CTNNAL1: variants seen among roughly 807,000 people sequenced by gnomAD.
The protein encoded by CTNNAL1 is catenin alpha like 1.
A neutral mutation model predicts 93.6 loss-of-function variants in CTNNAL1; 69 were observed. The observed-to-expected ratio is 0.74, with a 90% CI of 0.61 to 0.90. The LOEUF (loss-of-function observed/expected upper bound fraction) is 0.90, where lower values mean the gene tolerates loss of function less well. CTNNAL1 is among the 40% of genes least tolerant of loss of function. CTNNAL1 has a pLI of 0.00. For synonymous variants in CTNNAL1, 286 were observed against 305.4 expected, an observed-to-expected ratio of 0.94 and a Z score of 0.66; for missense variants, 836 against 862.0, an observed-to-expected ratio of 0.97 and a Z score of 0.38.
intron 14 of CTNNAL1, chr9:108,950,809 T>A (rs566600542): frequency 1.8e-6 from 1 of 568,986 alleles, no homozygotes; most frequent in African/African-American, 1.9e-5. Context: ...TCCATGTGTT[T>A]TATAGAGATA....
At chr9:108,943,538 C>T (rs565406817) in intron 17 of CTNNAL1, among the ~76,000 whole-genome samples, 165 bp downstream of exon 17, 25 of 152,216 alleles carry the variant, frequency 1.6e-4, no homozygotes, top group African/African-American at 5.5e-4. Context: ...ATCTGCTACT[C>T]TCTGGGGTCA....
At chr9:108,983,633 T>G (rs1831507722) in intron 5 of CTNNAL1, among the ~76,000 whole-genome samples, 1 of 152,130 alleles carries the variant, frequency 6.6e-6, no homozygotes, top group African/African-American at 2.4e-5. Context: ...ATGCCAGAAA[T>G]GAAAAAGAAT....
chr9:108,972,864 G>GGGGGGGGGGGGGGGGGGGGCCCCCCCC, intron 8 of CTNNAL1, 31 bp from the exon 9 acceptor site: 2 of 142,582 alleles, frequency 1.4e-5, no homozygotes, highest in Non-Finnish European at 2.0e-5. Context: ...GGGGGGGTGG[G>GGGGGGGGGGGGGGGGGGGGCCCCCCCC]AGGGTGGAGA....
At chr9:108,985,079 T>C (rs28361124) in intron 4 of CTNNAL1, among the ~76,000 whole-genome samples, 2,494 of 152,328 alleles carry the variant, frequency 0.016, 31 homozygotes, top group Non-Finnish European at 0.025. Flanking sequence ...GAGCCCTCAA[T>C]AGAATGTGTG....
In CTNNAL1 at chr9:108,972,817, G is replaced by T; in HGVS notation, c.1205C>A (p.Thr402Lys). The change falls in exon 9 of 19, where the codon ACA (threonine) becomes AAA (lysine). Residue 402 changes from threonine (T) to lysine (K), a missense_variant. By Grantham distance (78) the Thr-to-Lys change is moderately conservative (BLOSUM62 -1). Coordinates refer to ENST00000325551, the MANE Select transcript of CTNNAL1 (RefSeq NM_003798.4). Reference sequence around the variant, plus strand: ...TTTTAATAGATCTGCTGCCAGCTGTGTCGCTGTACTATGAAGCTGCAGATG... The same window carrying T: ...TTTTAATAGATCTGCTGCCAGCTGTTTCGCTGTACTATGAAGCTGCAGATG... ...ELKKELHSTA[T>K]QLAADLLKYH... 1 of 1,335,624 alleles carries T rather than the reference G, an allele frequency of 7.5e-7. No homozygotes were observed. The highest frequency in any genetic ancestry group is 9.9e-7 in the Non-Finnish European group (1 of 1,014,066). The allele number at this position is 1,335,624 out of a possible 1,614,324, so 82.7% of individuals were successfully genotyped here.
intron 11 of CTNNAL1, among the ~76,000 whole-genome samples, chr9:108,964,499 G>A (rs1217892217): frequency 6.6e-6 from 1 of 151,970 alleles, no homozygotes; most frequent in African/African-American, 2.4e-5. Flanking sequence ...ACTTCCACTC[G>A]GTATTAAAAT....
intron 15 of CTNNAL1, among the ~76,000 whole-genome samples, chr9:108,946,192 G>A (rs929316317): frequency 1.3e-5 from 2 of 151,842 alleles, no homozygotes; most frequent in Admixed American, 6.6e-5. Flanking sequence ...CCAGCTACTC[G>A]GGAGGCTGAG....
intron 1 of CTNNAL1, among the ~76,000 whole-genome samples, chr9:109,005,119 A>G (rs1364026207): frequency 6.6e-6 from 1 of 152,174 alleles, no homozygotes. Context: ...AGCTCATTAC[A>G]TAATCATGTG....
chr9:108,960,040 C>T (rs1389312222), intron 11 of CTNNAL1, among the ~76,000 whole-genome samples: 1 of 152,056 alleles, frequency 6.6e-6, no homozygotes, highest in African/African-American at 2.4e-5. Context: ...CTAAATTATC[C>T]CTGATTCACA....
Position 108,964,147 on chromosome 9 carries a change from T to C in CTNNAL1, c.1591+1231A>G, listed in dbSNP as rs76150783. On this transcript the variant is annotated intron_variant, in intron 11 of 18. Coordinates refer to ENST00000325551, the MANE Select transcript of CTNNAL1 (RefSeq NM_003798.4). The stretch of plus-strand genomic sequence containing the variant: ...ATATGAAAATCTATGTAACTATAAA[T>C]ACAAAGCATCAAAATGATTTGCCAT... 2.7e-3 allele frequency among the ~76,000 whole-genome samples: 406 copies of C among 152,306 alleles called. 2 individuals carry two copies. The highest frequency in any genetic ancestry group is 9.2e-3 in the African/African-American group (383 of 41,572).
intron 11 of CTNNAL1, among the ~76,000 whole-genome samples, chr9:108,959,196 A>G (rs1372078509): frequency 6.6e-6 from 1 of 150,722 alleles, no homozygotes; most frequent in African/African-American, 2.4e-5. Context: ...TGTCTCTACT[A>G]AAAATACAAA....
chr9:108,983,582 T>C (rs1423530892), intron 5 of CTNNAL1, among the ~76,000 whole-genome samples: 1 of 152,206 alleles, frequency 6.6e-6, no homozygotes, highest in Non-Finnish European at 1.5e-5. Flanking sequence ...AAAAAATCTC[T>C]TTTCATCATG....
chr9:108,972,864 G>GGGGGGGGGCCCCCCCCCCCCCCC, intron 8 of CTNNAL1, 31 bp from the exon 9 acceptor site: 3 of 142,558 alleles, frequency 2.1e-5, no homozygotes, highest in East Asian at 2.2e-4. Context: ...GGGGGGGTGG[G>GGGGGGGGGCCCCCCCCCCCCCCC]AGGGTGGAGA....
intron 14 of CTNNAL1, among the ~76,000 whole-genome samples, chr9:108,950,323 G>T (rs115133927): frequency 6.6e-6 from 1 of 152,098 alleles, no homozygotes; most frequent in African/African-American, 2.4e-5. Flanking sequence ...AACTTAAAAA[G>T]GTCAAAATTC....
chr9:108,970,329 C>G, intron 10 of CTNNAL1, 73 bp downstream of exon 10: 1 of 1,342,894 alleles, frequency 7.4e-7, no homozygotes, highest in Non-Finnish European at 1.0e-6. Context: ...CCATTTATAC[C>G]TTCCATCCAC....
intron 8 of CTNNAL1, 31 bp from the exon 9 acceptor site, chr9:108,972,864 G>GGGGGGGCGGCCCCCC: frequency 7.0e-6 from 1 of 142,586 alleles, no homozygotes. Flanking sequence ...GGGGGGGTGG[G>GGGGGGGCGGCCCCCC]AGGGTGGAGA....
At chr9:108,969,385 AAATG>A (rs1443342890) in intron 10 of CTNNAL1, among the ~76,000 whole-genome samples, 51 of 152,208 alleles carry the variant, frequency 3.4e-4, no homozygotes, top group African/African-American at 1.2e-3. Flanking sequence ...TTATAAGGAC[AAATG>A]AATACCTCTA....
At chr9:108,990,091 G>A (rs1831743179) in intron 4 of CTNNAL1, among the ~76,000 whole-genome samples, 1 of 152,094 alleles carries the variant, frequency 6.6e-6, no homozygotes, top group Admixed American at 6.6e-5. Context: ...CAAATATCAT[G>A]TTGTAGTTTG....
At chr9:108,958,084 A>AAAAAC (rs58307234) in intron 11 of CTNNAL1, among the ~76,000 whole-genome samples, 2 of 134,678 alleles carry the variant, frequency 1.5e-5, no homozygotes, top group Non-Finnish European at 3.3e-5. Context: ...AAAAAAAAAA[A>AAAAAC]CAAAGTGGGA....
Sources: gnomAD v4.1 joint callset for allele counts (sites outside exome capture counted in the v4.1 genomes callset) on GRCh38, gnomAD v4.1.1 for gene constraint, MANE v1.5 for transcripts, NCBI Gene and HGNC (gene_info 2026-07-23, HGNC 2026-07-21) for gene names.